Variants in C4orf51 observed in about 807,000 individuals in gnomAD.
C4orf51 encodes the protein uncharacterized protein C4orf51.
C4orf51 carries 25 observed loss-of-function variants against 25.2 expected under a neutral mutation model. That is an observed-to-expected ratio of 0.99 (90% confidence interval 0.72 to 1.39). C4orf51 has a LOEUF of 1.39. C4orf51 is among the 40% of genes most tolerant of loss of function. The pLI, the probability that C4orf51 is intolerant of heterozygous loss-of-function variation, is 0.00. For synonymous variants in C4orf51, 100 were observed against 84.5 expected, an observed-to-expected ratio of 1.18 and a Z score of -1.01; for missense variants, 252 against 239.6, an observed-to-expected ratio of 1.05 and a Z score of -0.34.
intron 2 of C4orf51, among the ~76,000 whole-genome samples, chr4:145,712,867 G>A (rs1447696344): frequency 1.3e-5 from 2 of 152,250 alleles, no homozygotes; most frequent in African/African-American, 4.8e-5. Context: ...TGACTCTCTT[G>A]TTAGGGGATA....
intron 1 of C4orf51, among the ~76,000 whole-genome samples, chr4:145,694,749 CA>C (rs1729944007): frequency 6.6e-6 from 1 of 151,608 alleles, no homozygotes; most frequent in Non-Finnish European, 1.5e-5. Context: ...TCTGCCCGGC[CA>C]AGTTTTTAGT....
At chr4:145,755,825 C>G (rs947133379), downstream of C4orf51, among the ~76,000 whole-genome samples, 36 of 152,188 alleles carry the variant, frequency 2.4e-4, no homozygotes, top group Middle Eastern at 3.2e-3. Flanking sequence ...GCTGGAGTAT[C>G]TTGAATATCT....
intron 1 of C4orf51, among the ~76,000 whole-genome samples, chr4:145,690,582 T>G (rs1303738716): frequency 6.6e-6 from 1 of 152,088 alleles, no homozygotes; most frequent in Non-Finnish European, 1.5e-5. Context: ...GGCGAAGAAT[T>G]CATGGCTAAG....
At chr4:145,711,233 G>C (rs1731111712) in intron 2 of C4orf51, among the ~76,000 whole-genome samples, 1 of 152,054 alleles carries the variant, frequency 6.6e-6, no homozygotes, top group African/African-American at 2.4e-5. Flanking sequence ...CTTTTGTTGA[G>C]GTGCCCCACT....
downstream of C4orf51, among the ~76,000 whole-genome samples, chr4:145,755,340 C>G (rs1733880210): frequency 6.6e-6 from 1 of 152,180 alleles, no homozygotes; most frequent in East Asian, 1.9e-4. Context: ...AAAAAACCAC[C>G]TATAAAGAAT....
downstream of C4orf51, chr4:145,758,010 A>C (rs1338285625): frequency 6.6e-6 from 1 of 152,180 alleles, no homozygotes; most frequent in Non-Finnish European, 1.5e-5. Flanking sequence ...ATATCTATGG[A>C]ATACATCCTT....
the C4orf51 span, among the ~76,000 whole-genome samples, chr4:145,778,837 T>C: frequency 6.6e-6 from 1 of 152,230 alleles, no homozygotes; most frequent in African/African-American, 2.4e-5. Flanking sequence ...TTACTACTGA[T>C]TTTACCTTAT....
At chr4:145,730,029 G>C in intron 5 of C4orf51, 64 bp downstream of exon 5, 1 of 1,388,308 alleles carries the variant, frequency 7.2e-7, no homozygotes, top group Non-Finnish European at 1.0e-6. Context: ...GCGGGGTTCT[G>C]AGTGTCTCTA....
chr4:145,778,526 C>A, the C4orf51 span, among the ~76,000 whole-genome samples: 1 of 152,092 alleles, frequency 6.6e-6, no homozygotes, highest in Non-Finnish European at 1.5e-5. Flanking sequence ...ATGGAAGGAT[C>A]ACTTGAACCC....
rs534102199 is a variant in C4orf51, at chr4:145,680,513, G to T, written c.233+77G>T. 4.6e-6 allele frequency: 5 copies of T among 1,095,956 alleles called. No individual in the cohort carries two copies. The African/African-American group carries it at 7.8e-5, about 17-fold the overall frequency. 67.9% of individuals were successfully genotyped at this position (1,095,956 alleles called of 1,614,324 possible). ...AGTGCTCTTAGAAGAAAGAGGTATT[G>T]TAGACCCTGAGAGACTTCATAGACT... On this transcript the variant is annotated intron_variant, in intron 1 of 5. Coordinates refer to ENST00000438731, the MANE Select transcript of C4orf51 (RefSeq NM_001080531.3).
At chr4:145,784,635 T>C in the C4orf51 span, among the ~76,000 whole-genome samples, 2 of 152,212 alleles carry the variant, frequency 1.3e-5, no homozygotes, top group African/African-American at 2.4e-5. Flanking sequence ...TTATGAAGCA[T>C]AATATTTGTA....
chr4:145,779,567 G>C, the C4orf51 span: 1 of 1,583,658 alleles, frequency 6.3e-7, no homozygotes, highest in Non-Finnish European at 8.6e-7. Flanking sequence ...TACATTTTCT[G>C]TTAGTCAACA....
At chr4:145,745,779 G>GT (rs1243081034) in intron 1 of C4orf51, among the ~76,000 whole-genome samples, 2 of 152,092 alleles carry the variant, frequency 1.3e-5, no homozygotes, top group Admixed American at 6.6e-5. Flanking sequence ...TCTATTTTTA[G>GT]TTTTTTGAGG....
intron 1 of C4orf51, among the ~76,000 whole-genome samples, chr4:145,770,608 AATG>A (rs1258702436): frequency 4.6e-5 from 7 of 151,906 alleles, no homozygotes; most frequent in Non-Finnish European, 1.0e-4. Context: ...ATATAATAAT[AATG>A]ATAACTAATA....
At chr4:145,750,468 T>C (rs1224668770) in intron 1 of C4orf51, among the ~76,000 whole-genome samples, 2 of 150,182 alleles carry the variant, frequency 1.3e-5, no homozygotes, top group Non-Finnish European at 3.0e-5. Flanking sequence ...TGCCACTCTC[T>C]CTTGGGCTGT....
Position 145,761,099 on chromosome 4 carries a change from G to A in C4orf51, n.167-9889G>A, listed in dbSNP as rs1734417288. ...ACTGACAGGGGAGACAGGAGATTCC[G>A]GGAGCTCCCGACCACCAGGAGCGGG... is the stretch of plus-strand genomic sequence containing the variant. On this transcript the variant is annotated intron_variant and non_coding_transcript_variant, in intron 1 of 1. Coordinates refer to the C4orf51 transcript ENST00000510096. The surrounding 1 kb of genome is among the most constrained non-coding windows in gnomAD (Gnocchi z 6.8). 7.8e-6 allele frequency: 10 copies of A among 1,289,572 alleles called. No individual in the cohort carries two copies. The highest frequency in any genetic ancestry group is 9.1e-6 in the Non-Finnish European group (9 of 988,714). 79.9% of individuals were successfully genotyped at this position (1,289,572 alleles called of 1,614,324 possible). A position where few individuals can be genotyped will look rare whatever the true frequency, so the allele number is the denominator to read the frequency against.
chr4:145,764,837 TA>T, intron 1 of C4orf51: 1 of 1,013,286 alleles, frequency 9.9e-7, no homozygotes, highest in South Asian at 1.4e-5. Context: ...TCAATCCAGC[TA>T]AAGGCAGCAG....
chr4:145,713,594 C>T (rs557877807), intron 2 of C4orf51, among the ~76,000 whole-genome samples: 6 of 152,144 alleles, frequency 3.9e-5, no homozygotes, highest in Admixed American at 1.3e-4. Flanking sequence ...TATGGATGAG[C>T]GAAGAAACTG....
intron 2 of C4orf51, among the ~76,000 whole-genome samples, chr4:145,721,929 C>T (rs1264638090): frequency 6.6e-6 from 1 of 152,096 alleles, no homozygotes; most frequent in African/African-American, 2.4e-5. Context: ...TAATTCTGTC[C>T]TTGGTTATAG....
Sources: allele counts gnomAD v4.1 joint callset (sites outside exome capture counted in the v4.1 genomes callset), GRCh38; gene constraint gnomAD v4.1.1; non-coding constraint Gnocchi (gnomAD v3.1); transcripts MANE v1.5; gene names NCBI Gene and HGNC (gene_info 2026-07-23, HGNC 2026-07-21).